Variants in MATN2 observed in about 807,000 individuals in gnomAD.
MATN2 encodes matrilin 2, also known as matrilin-2.
MATN2 carries 69 observed loss-of-function variants against 103.2 expected under a neutral mutation model. The observed-to-expected ratio is 0.67, with a 90% confidence interval of 0.55 to 0.82. MATN2 has a LOEUF of 0.82. Among genes scored for constraint, MATN2 ranks in the 40% least tolerant of loss-of-function variants. The pLI is 0.00. For synonymous variants in MATN2, 429 were observed against 450.2 expected, an observed-to-expected ratio of 0.95 and a Z score of 0.60; for missense variants, 1,023 against 1,211.5, an observed-to-expected ratio of 0.84 and a Z score of 2.31.
At chr8:97,943,915 T>C (rs1225216148) in intron 4 of MATN2, among the ~76,000 whole-genome samples, 1 of 152,240 alleles carries the variant, frequency 6.6e-6, no homozygotes, top group Non-Finnish European at 1.5e-5. Flanking sequence ...GTTCTTTCCC[T>C]AATTTTATGA....
At chr8:97,879,349 G>A (rs1818178037) in intron 1 of MATN2, among the ~76,000 whole-genome samples, 4 of 152,232 alleles carry the variant, frequency 2.6e-5, no homozygotes. Flanking sequence ...TGGGGTGGAT[G>A]TGGGGGCCAC....
intron 4 of MATN2, among the ~76,000 whole-genome samples, chr8:97,952,977 C>T (rs1025705332): frequency 1.5e-5 from 2 of 131,950 alleles, no homozygotes; most frequent in Non-Finnish European, 3.1e-5. Flanking sequence ...GGCTGGAGTG[C>T]AGTGGCGCAA....
intron 2 of MATN2, among the ~76,000 whole-genome samples, chr8:97,912,070 G>T (rs1327086091): frequency 6.6e-6 from 1 of 152,134 alleles, no homozygotes; most frequent in East Asian, 1.9e-4. Flanking sequence ...GGGAGACATG[G>T]GCAGGAGGCT....
chr8:97,995,111 C>A (rs1021167300), intron 7 of MATN2, among the ~76,000 whole-genome samples: 3 of 152,200 alleles, frequency 2.0e-5, no homozygotes, highest in African/African-American at 7.2e-5. Context: ...TGTGGATGTA[C>A]TGAGTGCCTC....
chr8:98,006,117 G>A (rs1450491183), intron 8 of MATN2, among the ~76,000 whole-genome samples: 4 of 152,216 alleles, frequency 2.6e-5, no homozygotes, highest in African/African-American at 4.8e-5. Flanking sequence ...ACAGCTGTGT[G>A]TTCATTAGCC....
chr8:97,900,495 G>A (rs993815888), intron 2 of MATN2, among the ~76,000 whole-genome samples: 1 of 152,212 alleles, frequency 6.6e-6, no homozygotes, highest in African/African-American at 2.4e-5. Context: ...GGACCATTAA[G>A]TAAACTGCGG....
chr8:98,030,028 G>C (rs1372354745), intron 14 of MATN2, among the ~76,000 whole-genome samples: 1 of 152,180 alleles, frequency 6.6e-6, no homozygotes, highest in Non-Finnish European at 1.5e-5. Flanking sequence ...CTTGGCCTCA[G>C]GTCACTTACG....
At chr8:98,011,351 C>T (rs560238162) in intron 10 of MATN2, among the ~76,000 whole-genome samples, 25 of 152,254 alleles carry the variant, frequency 1.6e-4, no homozygotes, top group African/African-American at 4.8e-4. Flanking sequence ...GAGGGGACCA[C>T]CCTCACTCTC....
At position 97,952,829 on chromosome 8, in the gene MATN2, C is replaced by T. The variant is rs111902561; in HGVS notation, c.836-8579C>T. On this transcript the variant is annotated intron_variant, in intron 4 of 18. Coordinates refer to ENST00000254898, the MANE Select transcript of MATN2 (RefSeq NM_002380.5). ...TTCCAAATTACCTACTTTGCTGTAT[C>T]ACTTCAATTTAGCATAGAACTCAAA... Among the ~76,000 whole-genome samples, 1,374 of 151,590 alleles carry T rather than the reference C, an allele frequency of 9.1e-3. 20 individuals are homozygous for T. The highest frequency in any genetic ancestry group is 0.032 in the African/African-American group (1,309 of 41,318).
At chr8:97,891,233 T>TA (rs1431127223) in intron 2 of MATN2, among the ~76,000 whole-genome samples, 1 of 152,228 alleles carries the variant, frequency 6.6e-6, no homozygotes, top group African/African-American at 2.4e-5. Flanking sequence ...ATAGCTACAT[T>TA]ATAGCTCAAC....
At position 98,027,706 on chromosome 8, in the gene MATN2, A is replaced by C; in HGVS notation, c.2233A>C (p.Ser745Arg). Residue 745 changes from serine to arginine, a missense_variant, in exon 14 of 19, where the codon AGT becomes CGT. By Grantham distance (110) the Ser-to-Arg change is moderately radical. Coordinates refer to ENST00000254898, the MANE Select transcript of MATN2 (RefSeq NM_002380.5). ...GLALKHMFER[S>R]FTQGEGARPL... Reference sequence around the variant, plus strand: ...GGCCCTGAAACACATGTTTGAGAGAAGTTTTACCCAAGGAGAAGGGGCCAG... The same window carrying C: ...GGCCCTGAAACACATGTTTGAGAGACGTTTTACCCAAGGAGAAGGGGCCAG... 6.2e-7 allele frequency: 1 copy of C among 1,613,966 alleles called. No individual in the cohort carries two copies. The highest frequency in any genetic ancestry group is 1.1e-5 in the South Asian group (1 of 91,076).
Position 97,958,347 on chromosome 8 carries a change from T to G in MATN2, c.836-3061T>G, listed in dbSNP as rs75898648. 3.9e-3 allele frequency among the ~76,000 whole-genome samples: 596 copies of G among 152,290 alleles called. 4 individuals are homozygous for G. Among genetic ancestry groups the G allele is most frequent in the Non-Finnish European group, 6.2e-3 (423 of 68,018 alleles). On this transcript the variant is annotated intron_variant, in intron 4 of 18. Coordinates refer to ENST00000254898, the MANE Select transcript of MATN2 (RefSeq NM_002380.5). ...CTGCTGCCACCCTTCCAGAGCTGGT[T>G]CCAGCATGCTGGAGCGTCACCTCCC...
chr8:97,962,248 A>C (rs898407706), intron 5 of MATN2, among the ~76,000 whole-genome samples: 1 of 152,242 alleles, frequency 6.6e-6, no homozygotes, highest in South Asian at 2.1e-4. Flanking sequence ...AAAATCTAGA[A>C]GGAAAAGAAC....
rs71514972 is a variant in MATN2, at chr8:97,945,749, T to C, written c.835+3850T>C. Among the ~76,000 whole-genome samples, 931 of 145,984 alleles carry C rather than the reference T, an allele frequency of 6.4e-3. 4 individuals are homozygous for C. The highest frequency in any genetic ancestry group is 0.017 in the Middle Eastern group (5 of 286). ...ATATATATATATAATCTCCCCACCATTGTATATTTGTAATTTGTGTGGAGA... is the reference window on the plus strand; with the variant it reads ...ATATATATATATAATCTCCCCACCACTGTATATTTGTAATTTGTGTGGAGA... On this transcript the variant is annotated intron_variant, in intron 4 of 18. Coordinates refer to ENST00000254898, the MANE Select transcript of MATN2 (RefSeq NM_002380.5).
intron 2 of MATN2, among the ~76,000 whole-genome samples, chr8:97,922,527 C>T (rs1316453470): frequency 6.6e-6 from 1 of 152,228 alleles, no homozygotes; most frequent in Non-Finnish European, 1.5e-5. Context: ...TGTTGCAGAG[C>T]ACCAGGCTCT....
intron 4 of MATN2, 88 bp downstream of exon 4, chr8:97,941,987 T>C: frequency 6.6e-7 from 1 of 1,503,838 alleles, no homozygotes; most frequent in South Asian, 1.2e-5. Context: ...TATTCATCTG[T>C]GATGCCTCAC....
chr8:98,021,210 G>T lies in MATN2; in HGVS notation c.1825G>T (p.Asp609Tyr), dbSNP rs1452570056. The T allele has an allele frequency of 1.9e-6, 3 of 1,613,158 alleles. No homozygotes were observed. Among genetic ancestry groups the T allele is most frequent in the African/African-American group, 2.7e-5 (2 of 74,884 alleles). The part of the protein sequence containing the change: ...AEDGKRCRRK[D>Y]VCKSTHHGCE... ...ACTCCCTACATTTTCCTCAGGGAAGGATGTCTGCAAATCAACCCACCATGG... is the reference window on the plus strand; with the variant it reads ...ACTCCCTACATTTTCCTCAGGGAAGTATGTCTGCAAATCAACCCACCATGG... Residue 609 changes from aspartate to tyrosine, a missense_variant, in exon 13 of 19, where the codon GAT (aspartate) becomes TAT (tyrosine). By Grantham distance (160) the Asp-to-Tyr change is radical (BLOSUM62 -3). Coordinates refer to ENST00000254898, the MANE Select transcript of MATN2 (RefSeq NM_002380.5).
intron 13 of MATN2, chr8:98,025,404 C>T (rs1160662495): frequency 5.4e-6 from 1 of 185,276 alleles, no homozygotes; most frequent in African/African-American, 2.4e-5. Flanking sequence ...GATTAGACAG[C>T]TGCTTGATAT....
At chr8:97,896,705 CT>C (rs1818819685) in intron 2 of MATN2, among the ~76,000 whole-genome samples, 1 of 148,130 alleles carries the variant, frequency 6.8e-6, no homozygotes, top group Non-Finnish European at 1.5e-5. Context: ...CATAACAGGG[CT>C]GGGCAGAGGG....
Sources: allele counts gnomAD v4.1 joint callset (sites outside exome capture counted in the v4.1 genomes callset), GRCh38; gene constraint gnomAD v4.1.1; transcripts MANE v1.5; gene names NCBI Gene and HGNC (gene_info 2026-07-23, HGNC 2026-07-21).